CSMD1: variants seen among roughly 807,000 people sequenced by gnomAD.
CSMD1 encodes CUB and Sushi multiple domains 1, also known as CUB and sushi domain-containing protein 1.
Under a neutral mutation model 417.5 loss-of-function variants are expected in CSMD1, and 213 were observed. The ratio of observed to expected loss-of-function variants is 0.51; its 90% confidence interval spans 0.46 to 0.57. CSMD1 has a LOEUF of 0.57. CSMD1 is among the 20% of genes least tolerant of loss of function. The pLI, the probability that CSMD1 is intolerant of heterozygous loss-of-function variation, is 0.00. For synonymous variants in CSMD1, 2,862 were observed against 1,736.8 expected, an observed-to-expected ratio of 1.65 and a Z score of -16.11; for missense variants, 6,923 against 4,529.7, an observed-to-expected ratio of 1.53 and a Z score of -15.17.
intron 1 of CSMD1, among the ~76,000 whole-genome samples, chr8:4,718,407 G>T (rs572157986): frequency 2.0e-5 from 3 of 152,220 alleles, no homozygotes; most frequent in Admixed American, 2.0e-4. Flanking sequence ...AACACATCTA[G>T]TTCACCACTA....
intron 2 of CSMD1, among the ~76,000 whole-genome samples, chr8:4,453,814 C>CT (rs60422486): frequency 0.11 from 7,276 of 67,470 alleles, 1,237 homozygotes; most frequent in East Asian, 0.35. Context: ...CAATTCGTTT[C>CT]TTTTTTTTTT....
chr8:4,527,543 G>T (rs947284023), intron 2 of CSMD1, among the ~76,000 whole-genome samples: 2 of 152,136 alleles, frequency 1.3e-5, no homozygotes, highest in African/African-American at 4.8e-5. Flanking sequence ...GTACCAGCAG[G>T]TGTTTGTAGA....
intron 25 of CSMD1, among the ~76,000 whole-genome samples, chr8:3,300,687 T>G (rs982143481): frequency 6.6e-6 from 1 of 152,032 alleles, no homozygotes; most frequent in African/African-American, 2.4e-5. Context: ...CCAGGCCTGG[T>G]GGCTCACGCT....
At chr8:3,836,357 T>A (rs938444185) in intron 5 of CSMD1, among the ~76,000 whole-genome samples, 3 of 152,168 alleles carry the variant, frequency 2.0e-5, no homozygotes, top group African/African-American at 4.8e-5. Flanking sequence ...GAACTAGCTA[T>A]ATCCTTGTGG....
At chr8:3,234,723 G>A (rs1228097397) in intron 26 of CSMD1, among the ~76,000 whole-genome samples, 2 of 152,140 alleles carry the variant, frequency 1.3e-5, no homozygotes, top group Non-Finnish European at 2.9e-5. Context: ...AGTCACGAAG[G>A]TCTCACCCAT....
chr8:3,840,853 G>A (rs866200955), intron 5 of CSMD1, among the ~76,000 whole-genome samples: 19 of 151,874 alleles, frequency 1.3e-4, no homozygotes, highest in South Asian at 2.1e-4. Flanking sequence ...ACGTACAGGC[G>A]CCTGTGACTA....
chr8:4,948,187 A>G (rs1446103541), intron 1 of CSMD1, among the ~76,000 whole-genome samples: 9 of 152,030 alleles, frequency 5.9e-5, no homozygotes, highest in African/African-American at 2.2e-4. Context: ...ACCTCTCGCT[A>G]TTGCTACAGG....
At chr8:4,064,769 C>T (rs1433719916) in intron 3 of CSMD1, among the ~76,000 whole-genome samples, 1 of 152,172 alleles carries the variant, frequency 6.6e-6, no homozygotes, top group Non-Finnish European at 1.5e-5. Context: ...GGAAACAATC[C>T]AGTCCATTTA....
chr8:4,753,309 A>G (rs1811458185), intron 1 of CSMD1, among the ~76,000 whole-genome samples: 1 of 151,712 alleles, frequency 6.6e-6, no homozygotes, highest in Admixed American at 6.6e-5. Context: ...GAATACATTT[A>G]AATGACCAGG....
intron 3 of CSMD1, among the ~76,000 whole-genome samples, chr8:4,334,329 G>T (rs1447441250): frequency 6.6e-6 from 1 of 152,140 alleles, no homozygotes; most frequent in South Asian, 2.1e-4. Flanking sequence ...TTGTGGATGT[G>T]AATGACATTT....
At chr8:4,520,460 C>T (rs761887228) in intron 2 of CSMD1, among the ~76,000 whole-genome samples, 29 of 152,028 alleles carry the variant, frequency 1.9e-4, no homozygotes, top group Non-Finnish European at 2.5e-4. Flanking sequence ...AAATTTGGAT[C>T]TTAATAAGAC....
intron 10 of CSMD1, among the ~76,000 whole-genome samples, chr8:3,520,109 T>C (rs1459507959): frequency 6.6e-6 from 1 of 151,516 alleles, no homozygotes; most frequent in Non-Finnish European, 1.5e-5. Context: ...TTCTTAAACA[T>C]ACTTACAGGC....
chr8:3,689,914 C>A (rs1356361174), intron 7 of CSMD1, among the ~76,000 whole-genome samples: 1 of 152,214 alleles, frequency 6.6e-6, no homozygotes, highest in Non-Finnish European at 1.5e-5. Context: ...AATAAAGCTG[C>A]AAATAATCAC....
At chr8:3,786,124 G>T (rs1051542652) in intron 5 of CSMD1, among the ~76,000 whole-genome samples, 3 of 152,132 alleles carry the variant, frequency 2.0e-5, no homozygotes, top group African/African-American at 7.2e-5. Flanking sequence ...TCAAATAGAG[G>T]TGAGGCTGCT....
chr8:4,185,392 G>T (rs970647160), intron 3 of CSMD1, among the ~76,000 whole-genome samples: 1 of 151,966 alleles, frequency 6.6e-6, no homozygotes, highest in Non-Finnish European at 1.5e-5. Flanking sequence ...AAAGTACCCA[G>T]AATAGTACCC....
intron 5 of CSMD1, among the ~76,000 whole-genome samples, chr8:3,938,311 A>G (rs1810642691): frequency 6.6e-6 from 1 of 152,174 alleles, no homozygotes; most frequent in Non-Finnish European, 1.5e-5. Context: ...TCCTTAAATA[A>G]TTTGTGTTTT....
intron 20 of CSMD1, among the ~76,000 whole-genome samples, chr8:3,362,423 T>G (rs1809251950): frequency 6.6e-6 from 1 of 152,222 alleles, no homozygotes; most frequent in South Asian, 2.1e-4. Context: ...ACTAAGTAGG[T>G]TTTAATACAG....
chr8:4,212,721 T>C (rs1005894428), intron 3 of CSMD1, among the ~76,000 whole-genome samples: 7 of 148,292 alleles, frequency 4.7e-5, no homozygotes, highest in Non-Finnish European at 5.9e-5. Flanking sequence ...ATATGAAACA[T>C]TGTGAAAAGT....
At chr8:3,215,680 C>T (rs538425800) in intron 29 of CSMD1, among the ~76,000 whole-genome samples, 1 of 152,048 alleles carries the variant, frequency 6.6e-6, no homozygotes, top group African/African-American at 2.4e-5. Context: ...TTCTGGTAGC[C>T]TTAATATTTT....
Sources: gnomAD v4.1 joint callset for allele counts (sites outside exome capture counted in the v4.1 genomes callset) on GRCh38, gnomAD v4.1.1 for gene constraint, MANE v1.5 for transcripts, NCBI Gene and HGNC (gene_info 2026-07-23, HGNC 2026-07-21) for gene names.